The following DAOA variants were observed in gnomAD, a reference collection of about 807,000 sequenced individuals.
DAOA encodes D-amino acid oxidase regulator.
DAOA carries 15 observed loss-of-function variants against 16.4 expected under a neutral mutation model. The ratio of observed to expected loss-of-function variants is 0.91; its 90% CI spans 0.61 to 1.41. DAOA has a LOEUF of 1.41. Ranked by LOEUF, DAOA falls within the 40% of genes most tolerant of loss-of-function variation. The probability of loss-of-function intolerance (pLI) is 0.00; values close to 1 mark genes in which losing one functional copy is unlikely to be tolerated. For missense variants in DAOA, 230 were observed against 176.8 expected (o/e 1.30, Z -1.71); for synonymous variants, 75 against 59.1 (o/e 1.27, Z -1.23).
At chr13:105,472,318 C>T (rs61970570) in intron 3 of DAOA, among the ~76,000 whole-genome samples, 1 of 152,128 alleles carries the variant, frequency 6.6e-6, no homozygotes, top group Non-Finnish European at 1.5e-5. Context: ...GAGAGAGAAG[C>T]CACCCTTCGT....
intron 4 of DAOA, among the ~76,000 whole-genome samples, chr13:105,476,744 T>C (rs1408556652): frequency 6.6e-6 from 1 of 152,024 alleles, no homozygotes; most frequent in Admixed American, 6.5e-5. Flanking sequence ...AGGCATATGA[T>C]TGAGTTAGAG....
intron 4 of DAOA, among the ~76,000 whole-genome samples, chr13:105,475,669 C>T (rs1452367450): frequency 6.6e-6 from 1 of 152,056 alleles, no homozygotes; most frequent in East Asian, 1.9e-4. Context: ...TAATCAAAGG[C>T]TGTATTTATG....
chr13:105,479,985 A>G (rs1296616177), intron 4 of DAOA, among the ~76,000 whole-genome samples: 7 of 152,188 alleles, frequency 4.6e-5, no homozygotes, highest in Admixed American at 4.6e-4. Context: ...ATTTTCTCTG[A>G]TGTCTTCTTT....
rs80102607 is a variant in DAOA at position 105,489,160 on chromosome 13, G to A, written c.282-741G>A. ...TTGGTTGGAAGTAACATCTGAGCTG[G>A]CTTTTATAAATGCGTTATTTTCCTG... On this transcript the variant is annotated intron_variant, in intron 4 of 5. Transcript: ENST00000375936. 4.8e-3 allele frequency among the ~76,000 whole-genome samples: 730 copies of A among 152,252 alleles called. 7 individuals carry two copies. The highest frequency in any genetic ancestry group is 0.016 in the African/African-American group (683 of 41,556).
At chr13:105,487,421 G>C (rs115473503) in intron 4 of DAOA, among the ~76,000 whole-genome samples, 1,796 of 152,186 alleles carry the variant, frequency 0.012, 41 homozygotes, top group African/African-American at 0.04. Flanking sequence ...TCTGAGTTCT[G>C]TGCTCTGTAA....
At chr13:105,484,103 C>T (rs1160192634) in intron 4 of DAOA, among the ~76,000 whole-genome samples, 1 of 152,064 alleles carries the variant, frequency 6.6e-6, no homozygotes, top group African/African-American at 2.4e-5. Flanking sequence ...CCAGATGTTC[C>T]AACGTCATTT....
chr13:105,488,151 A>G (rs967863113), intron 4 of DAOA, among the ~76,000 whole-genome samples: 2 of 152,202 alleles, frequency 1.3e-5, no homozygotes, highest in Non-Finnish European at 2.9e-5. Flanking sequence ...CTGGCAACTA[A>G]TAATTTCAAT....
intron 2 of DAOA, among the ~76,000 whole-genome samples, chr13:105,466,714 G>A (rs1372217205): frequency 6.6e-6 from 1 of 152,072 alleles, no homozygotes; most frequent in Non-Finnish European, 1.5e-5. Context: ...TGTAGAACTG[G>A]GATAACTTTG....
intron 4 of DAOA, among the ~76,000 whole-genome samples, chr13:105,486,111 G>A (rs73566141): frequency 0.02 from 3,009 of 152,148 alleles, 105 homozygotes; most frequent in African/African-American, 0.069. Flanking sequence ...AAAGCAAATT[G>A]GAACATGTCA....
intron 4 of DAOA, among the ~76,000 whole-genome samples, chr13:105,480,593 C>T (rs531538572): frequency 1.8e-4 from 28 of 151,752 alleles, no homozygotes; most frequent in African/African-American, 6.0e-4. Flanking sequence ...AGAATTGGCT[C>T]GTGATTATAG....
At chr13:105,481,973 C>A (rs1877776231) in intron 4 of DAOA, among the ~76,000 whole-genome samples, 1 of 152,124 alleles carries the variant, frequency 6.6e-6, no homozygotes, top group Non-Finnish European at 1.5e-5. Context: ...GCTGAGAAGG[C>A]CTTACAATTA....
At chr13:105,477,549 T>C (rs9519686) in intron 4 of DAOA, among the ~76,000 whole-genome samples, 3 of 151,800 alleles carry the variant, frequency 2.0e-5, no homozygotes, top group Admixed American at 6.6e-5. Flanking sequence ...GAAACCTAGA[T>C]GCCATCTCTA....
chr13:105,466,866 T>A, intron 2 of DAOA, 187 bp from the exon 3 acceptor site: 1 of 732,210 alleles, frequency 1.4e-6, no homozygotes, highest in Non-Finnish European at 1.9e-6. Context: ...AAAAAAAAAA[T>A]GCAAACCTCA....
chr13:105,485,519 C>T (rs375592759), intron 4 of DAOA, among the ~76,000 whole-genome samples: 49 of 152,304 alleles, frequency 3.2e-4, no homozygotes, highest in African/African-American at 1.1e-3. Context: ...TATCTCACTT[C>T]CTTTCAATAA....
intron 3 of DAOA, among the ~76,000 whole-genome samples, chr13:105,469,263 G>C (rs1876760033): frequency 6.6e-6 from 1 of 152,100 alleles, no homozygotes; most frequent in Non-Finnish European, 1.5e-5. Context: ...TAACCACCTA[G>C]GTGTGTACCG....
chr13:105,471,517 C>T (rs931519910), intron 3 of DAOA, among the ~76,000 whole-genome samples: 5 of 152,064 alleles, frequency 3.3e-5, no homozygotes, highest in Admixed American at 1.3e-4. Flanking sequence ...TAAGTGTTTG[C>T]TACTTACTTG....
intron 4 of DAOA, among the ~76,000 whole-genome samples, chr13:105,482,169 T>C (rs1187238027): frequency 1.3e-5 from 2 of 152,096 alleles, no homozygotes; most frequent in African/African-American, 4.8e-5. Flanking sequence ...CCATGATACG[T>C]GGGATTGTGG....
rs745513380 is a variant in DAOA at position 105,472,585 on chromosome 13, T to A, written c.181T>A (p.Trp61Arg). 1 of 1,614,010 alleles carries A rather than the reference T, an allele frequency of 6.2e-7. No homozygotes were observed. Among genetic ancestry groups the A allele is most frequent in the Non-Finnish European group, 8.5e-7 (1 of 1,179,940 alleles). ...GRETVTRKEG[W>R]KRRHEDGYLE... ...AGAGACGGTAACAAGGAAAGAAGGATGGAAGAGAAGGCATGAGGACGGCTA... is the reference window on the plus strand; with the variant it reads ...AGAGACGGTAACAAGGAAAGAAGGAAGGAAGAGAAGGCATGAGGACGGCTA... The change falls in exon 4 of 6, where the codon TGG (tryptophan) becomes AGG (arginine). Residue 61 changes from tryptophan to arginine, a missense_variant. Trp to Arg is a moderately radical substitution (Grantham distance 101). Transcript: ENST00000375936.
chr13:105,472,607 G>C lies in DAOA; in HGVS notation c.203G>C (p.Gly68Ala). 1.2e-6 allele frequency: 2 copies of C among 1,614,042 alleles called. No individual in the cohort carries two copies. Among genetic ancestry groups the C allele is most frequent in the East Asian group, 4.5e-5 (2 of 44,858 alleles). ...KEGWKRRHEDGYLEMAQRHLQ... is the reference protein window; with the variant it reads ...KEGWKRRHEDAYLEMAQRHLQ... ...GGATGGAAGAGAAGGCATGAGGACG[G>C]CTATTTGGAAATGGCACAGAGGCAT... Residue 68 changes from glycine to alanine, a missense_variant, in exon 4 of 6, where the codon GGC becomes GCC. By Grantham distance (60) the Gly-to-Ala change is moderately conservative. Transcript: ENST00000375936.
Sources: allele counts gnomAD v4.1 joint callset (sites outside exome capture counted in the v4.1 genomes callset), GRCh38; gene constraint gnomAD v4.1.1; transcripts MANE v1.5; gene names NCBI Gene and HGNC (gene_info 2026-07-23, HGNC 2026-07-21).